PRIMPOL: variants seen among roughly 807,000 people sequenced by gnomAD.
PRIMPOL encodes primase and DNA directed polymerase, also known as DNA-directed primase/polymerase protein.
Under a neutral mutation model 63.6 loss-of-function variants are expected in PRIMPOL, and 54 were observed. The ratio of observed to expected loss-of-function variants is 0.85; its 90% CI spans 0.68 to 1.07. The LOEUF (loss-of-function observed/expected upper bound fraction) is 1.07, where lower values mean the gene tolerates loss of function less well. PRIMPOL is among the 50% of genes least tolerant of loss of function. The pLI is 0.00. For synonymous variants in PRIMPOL, 197 were observed against 220.2 expected (o/e 0.89, Z 0.93); for missense variants, 610 against 648.3 (o/e 0.94, Z 0.64).
chr4:184,676,093 G>T (rs973390556), intron 7 of PRIMPOL, among the ~76,000 whole-genome samples: 3 of 151,878 alleles, frequency 2.0e-5, no homozygotes, highest in Admixed American at 6.6e-5. Flanking sequence ...AAAACTTATT[G>T]TTCTGCCTTT....
chr4:184,684,264 T>C (rs903670781), intron 9 of PRIMPOL, among the ~76,000 whole-genome samples: 5 of 152,088 alleles, frequency 3.3e-5, no homozygotes, highest in African/African-American at 1.2e-4. Context: ...AAGACCAGCC[T>C]GACCAATGCA....
rs56125855 is a variant in PRIMPOL at position 184,655,453 on chromosome 4, T to C, written c.-59-1629T>C. 8.2e-3 allele frequency among the ~76,000 whole-genome samples: 1,239 copies of C among 150,774 alleles called. 18 individuals are homozygous for C. Among genetic ancestry groups the C allele is most frequent in the African/African-American group, 0.029 (1,175 of 40,948 alleles). On this transcript the variant is annotated intron_variant, in intron 2 of 13. Coordinates refer to ENST00000314970, the MANE Select transcript of PRIMPOL (RefSeq NM_152683.4). ...TCTCTTGCCTCAGCCTCCCGAGTAG[T>C]TGGGATTATAGGTGCCCACCACCAT...
At chr4:184,652,558 T>C (rs2150014019) in intron 2 of PRIMPOL, among the ~76,000 whole-genome samples, 1 of 152,328 alleles carries the variant, frequency 6.6e-6, no homozygotes, top group East Asian at 1.9e-4. Flanking sequence ...TTATACTTAA[T>C]TTCTTAAGGT....
chr4:184,659,796 ATTAT>A (rs1747754906), intron 4 of PRIMPOL, among the ~76,000 whole-genome samples: 1 of 152,128 alleles, frequency 6.6e-6, no homozygotes, highest in East Asian at 1.9e-4. Flanking sequence ...ACTATTTTAA[ATTAT>A]TTGTTATTAG....
At chr4:184,685,888 G>A (rs898361643) in intron 11 of PRIMPOL, among the ~76,000 whole-genome samples, 1 of 151,884 alleles carries the variant, frequency 6.6e-6, no homozygotes, top group African/African-American at 2.4e-5. Context: ...TGCAACCTCC[G>A]CCTCCTGGGT....
chr4:184,691,345 G>A (rs575560096), intron 11 of PRIMPOL, 154 bp from the exon 12 acceptor site: 25 of 533,522 alleles, frequency 4.7e-5, no homozygotes, highest in African/African-American at 1.5e-4. Context: ...GGCAACCACC[G>A]TTTTGATTGG....
chr4:184,659,669 G>A (rs951152323), intron 4 of PRIMPOL, among the ~76,000 whole-genome samples: 3 of 152,036 alleles, frequency 2.0e-5, no homozygotes, highest in African/African-American at 4.8e-5. Context: ...TGTACTCAAA[G>A]GGAGTTTTGA....
At chr4:184,691,886 A>G (rs932567368) in intron 13 of PRIMPOL, among the ~76,000 whole-genome samples, 174 bp downstream of exon 13, 1 of 118,372 alleles carries the variant, frequency 8.4e-6, no homozygotes, top group African/African-American at 3.4e-5. Context: ...CACATATCTG[A>G]TAATACAAAC....
chr4:184,691,807 C>T (rs1758626442), intron 13 of PRIMPOL, 95 bp downstream of exon 13: 2 of 851,108 alleles, frequency 2.3e-6, no homozygotes, highest in Admixed American at 4.2e-5. Flanking sequence ...GCATTGAAAC[C>T]CATTTGCTAC....
In PRIMPOL at chr4:184,665,914, T is replaced by C. The variant is rs550672633; in HGVS notation, c.409-3T>C. 6 of 1,532,202 alleles carry C rather than the reference T, an allele frequency of 3.9e-6. No homozygotes were observed. The African/African-American group carries it at 8.4e-5, about 21-fold the overall frequency. 94.9% of individuals were successfully genotyped at this position (1,532,202 alleles called of 1,614,324 possible). Reference sequence around the variant, plus strand: ...ATTATTTGCATTTTACTTGTGTTTTTAGTATGTGTGTAAAGCACTTCAAGA... The same window carrying C: ...ATTATTTGCATTTTACTTGTGTTTTCAGTATGTGTGTAAAGCACTTCAAGA... On this transcript the variant is annotated splice_region_variant and splice_polypyrimidine_tract_variant and intron_variant, in intron 5 of 13. Transcript: ENST00000314970.
chr4:184,692,891 G>A (rs916481833), intron 13 of PRIMPOL, among the ~76,000 whole-genome samples: 4 of 152,034 alleles, frequency 2.6e-5, no homozygotes, highest in African/African-American at 9.7e-5. Context: ...TTCACTATTA[G>A]TATTTCTATA....
intron 2 of PRIMPOL, among the ~76,000 whole-genome samples, chr4:184,655,323 T>TA (rs1746057880): frequency 6.8e-6 from 1 of 147,228 alleles, no homozygotes; most frequent in African/African-American, 2.6e-5. Context: ...CCTCTCGTAA[T>TA]CTTTTTTTTT....
chr4:184,675,978 C>G (rs999535283), intron 7 of PRIMPOL, among the ~76,000 whole-genome samples: 2 of 152,138 alleles, frequency 1.3e-5, no homozygotes, highest in Non-Finnish European at 2.9e-5. Flanking sequence ...TAGTAGTAGT[C>G]TGATTTTATC....
intron 6 of PRIMPOL, among the ~76,000 whole-genome samples, chr4:184,669,156 C>T (rs1319784676): frequency 6.6e-6 from 1 of 152,172 alleles, no homozygotes; most frequent in Non-Finnish European, 1.5e-5. Context: ...GCTTTTTAAG[C>T]AGTTACATGT....
intron 13 of PRIMPOL, chr4:184,694,309 G>A: frequency 7.5e-7 from 1 of 1,325,936 alleles, no homozygotes; most frequent in Non-Finnish European, 9.6e-7. Context: ...TTCAAATTTG[G>A]AGTTTCAAGT....
At chr4:184,670,650 G>A (rs55699842) in intron 6 of PRIMPOL, among the ~76,000 whole-genome samples, 19,744 of 151,316 alleles carry the variant, frequency 0.13, 1,381 homozygotes, top group Middle Eastern at 0.17. Flanking sequence ...CCAGGTTCAA[G>A]CAATTCTCTT....
chr4:184,674,456 G>A (rs1005163552), intron 7 of PRIMPOL, among the ~76,000 whole-genome samples: 2 of 152,090 alleles, frequency 1.3e-5, no homozygotes, highest in African/African-American at 4.8e-5. Context: ...TGTCCCAGGG[G>A]CAACAACTGT....
At chr4:184,680,435 A>G (rs563667668) in intron 8 of PRIMPOL, among the ~76,000 whole-genome samples, 1 of 152,246 alleles carries the variant, frequency 6.6e-6, no homozygotes, top group South Asian at 2.1e-4. Flanking sequence ...TGATCTGCCC[A>G]CCTTGGCCTC....
At chr4:184,679,219 C>T (rs1200770755) in intron 8 of PRIMPOL, among the ~76,000 whole-genome samples, 1 of 152,126 alleles carries the variant, frequency 6.6e-6, no homozygotes, top group African/African-American at 2.4e-5. Context: ...ATGTAAATTT[C>T]CATTATATTG....
Sources: allele counts gnomAD v4.1 joint callset (sites outside exome capture counted in the v4.1 genomes callset), GRCh38; gene constraint gnomAD v4.1.1; transcripts MANE v1.5; gene names NCBI Gene and HGNC (gene_info 2026-07-23, HGNC 2026-07-21).